Variants in SELPLG observed in about 807,000 individuals in gnomAD.
SELPLG encodes the protein P-selectin glycoprotein ligand 1.
In SELPLG, 2 loss-of-function variants were observed where a neutral mutation model predicts 1.1. That is an observed-to-expected ratio of 1.82 (90% confidence interval 0.74 to 5.71). The LOEUF (loss-of-function observed/expected upper bound fraction) is 5.71, where lower values mean the gene tolerates loss of function less well. Ranked by LOEUF, SELPLG falls within the 30% of genes most tolerant of loss-of-function variation. The pLI is 0.05. For synonymous variants in SELPLG, 230 were observed against 221.2 expected, an observed-to-expected ratio of 1.04 and a Z score of -0.35; for missense variants, 478 against 524.7, an observed-to-expected ratio of 0.91 and a Z score of 0.87.
chr12:108,624,534 G>A (rs1423147573), intron 1 of SELPLG, among the ~76,000 whole-genome samples: 1 of 152,112 alleles, frequency 6.6e-6, no homozygotes, highest in Non-Finnish European at 1.5e-5. Flanking sequence ...ATCCAGGAGG[G>A]CCCTTTAACT....
At position 108,623,325 on chromosome 12, in the gene SELPLG, G is replaced by T; in HGVS notation, c.983C>A (p.Ala328Glu). Residue 328 changes from alanine to glutamate, a missense_variant, in exon 2 of 2, where the codon GCG becomes GAG. Ala to Glu is a moderately radical substitution (Grantham distance 107). Transcript: ENST00000550948. ...CACGAAGAAGATAGTGGCCACCAGC[G>T]CCAAGATTAGGATGGCCAGCAGGCA... ...KQCLLAILIL[A>E]LVATIFFVCT... 6.2e-7 allele frequency: 1 copy of T among 1,614,248 alleles called. No individual in the cohort carries two copies.
chr12:108,629,027 G>C (rs1280924331), intron 1 of SELPLG, among the ~76,000 whole-genome samples: 1 of 152,208 alleles, frequency 6.6e-6, no homozygotes, highest in Non-Finnish European at 1.5e-5. Flanking sequence ...TTATCTGGAG[G>C]ACTCTCTTCG....
rs2032068539 is a variant in SELPLG at position 108,632,110 on chromosome 12, G to A, written c.-6+1630C>T. The A allele has an allele frequency of 4.9e-6, 3 of 611,562 alleles. No individual in the cohort carries two copies. The East Asian group carries it at 8.4e-5, about 17-fold the overall frequency. 37.9% of individuals were successfully genotyped at this position (611,562 alleles called of 1,614,324 possible). On this transcript the variant is annotated intron_variant, in intron 1 of 1. Transcript: ENST00000550948. ...CCAGCTCCTCTGAATGCCCCACTCT[G>A]GGCCCAGCCTAGCAACCCAGCCCTT...
chr12:108,628,340 C>CAT (rs2136766577), intron 1 of SELPLG, among the ~76,000 whole-genome samples: 1 of 151,728 alleles, frequency 6.6e-6, no homozygotes, highest in East Asian at 1.9e-4. Context: ...CACACACACA[C>CAT]ACACACACAC....
At chr12:108,630,635 C>T (rs2136769990) in intron 1 of SELPLG, among the ~76,000 whole-genome samples, 1 of 152,226 alleles carries the variant, frequency 6.6e-6, no homozygotes, top group African/African-American at 2.4e-5. Context: ...CCTGGGGCAA[C>T]TCACCTCACC....
At chr12:108,629,164 A>G (rs1183250034) in intron 1 of SELPLG, among the ~76,000 whole-genome samples, 2 of 152,158 alleles carry the variant, frequency 1.3e-5, no homozygotes, top group Non-Finnish European at 2.9e-5. Flanking sequence ...ACCTGTTATG[A>G]TAAGACCTGG....
chr12:108,625,331 C>T, intron 1 of SELPLG, among the ~76,000 whole-genome samples: 1 of 152,184 alleles, frequency 6.6e-6, no homozygotes, highest in East Asian at 1.9e-4. Flanking sequence ...GTCTTGGTCC[C>T]ATTTGCTTTG....
chr12:108,629,453 G>A (rs2032004485), intron 1 of SELPLG, among the ~76,000 whole-genome samples: 1 of 152,240 alleles, frequency 6.6e-6, no homozygotes, highest in Admixed American at 6.5e-5. Flanking sequence ...CCTCGAGCTT[G>A]TACTCCTAGC....
Position 108,622,192 on chromosome 12 carries a change from C to A in SELPLG, c.*877G>T, listed in dbSNP as rs1322910799. On this transcript the variant is annotated 3_prime_UTR_variant, in exon 2 of 2. Transcript: ENST00000550948. Reference sequence around the variant, plus strand: ...CTGAGGGCAGACAGCTGAGGACCAGCCCCCATCCTGCACTGAGGGATGGAG... The same window carrying A: ...CTGAGGGCAGACAGCTGAGGACCAGACCCCATCCTGCACTGAGGGATGGAG... The A allele has an allele frequency of 6.6e-6, 1 of 152,328 alleles. No individual in the cohort carries two copies. The highest frequency in any genetic ancestry group is 1.5e-5 in the Non-Finnish European group (1 of 68,142). The allele number at this position is 152,328 out of a possible 1,614,324, so 9.4% of individuals were successfully genotyped here. A position where few individuals can be genotyped will look rare whatever the true frequency, so the allele number is the denominator to read the frequency against.
At position 108,623,838 on chromosome 12, in the gene SELPLG, G is replaced by A. The variant is rs112473865; in HGVS notation, c.470C>T (p.Thr157Met). 2,207 of 1,585,782 alleles carry A rather than the reference G, an allele frequency of 1.4e-3. 16 individuals carry two copies. The African/African-American group carries it at 0.022, about 16-fold the overall frequency. Residue 157 changes from threonine (T) to methionine (M), a missense_variant, in exon 2 of 2, where the codon ACG becomes ATG. Transcript: ENST00000550948. The part of the protein sequence containing the change: ...AATEAQTTRL[T>M]ATEAQTTPLA... ...TGGAGTGGTCTGTGCCTCCGTGGCC[G>A]TCAGTCGAGTTGTCTGTGCCTCTGT...
rs2031833655 is a variant in SELPLG, at chr12:108,622,153, T to G, written c.*916A>C. The G allele has an allele frequency of 6.6e-6, 1 of 152,284 alleles. No individual in the cohort carries two copies. The highest frequency in any genetic ancestry group is 2.4e-5 in the African/African-American group (1 of 41,432). 9.4% of individuals were successfully genotyped at this position (152,284 alleles called of 1,614,324 possible). A position where few individuals can be genotyped will look rare whatever the true frequency, so the allele number is the denominator to read the frequency against. On this transcript the variant is annotated 3_prime_UTR_variant, in exon 2 of 2. Transcript: ENST00000550948. The stretch of plus-strand genomic sequence containing the variant: ...CTAACAGCCCATGAAAGAGGCTTCC[T>G]GGGGGGCCAGGGGCTGAGGGCAGAC...
chr12:108,631,245 G>A (rs989574253), intron 1 of SELPLG, among the ~76,000 whole-genome samples: 9 of 151,996 alleles, frequency 5.9e-5, no homozygotes, highest in Admixed American at 4.6e-4. Flanking sequence ...ACTTATCATC[G>A]CCCTTATGAA....
intron 1 of SELPLG, among the ~76,000 whole-genome samples, chr12:108,630,990 G>T (rs2032038702): frequency 6.6e-6 from 1 of 152,148 alleles, no homozygotes; most frequent in Non-Finnish European, 1.5e-5. Context: ...CTGCTCTGCT[G>T]CCCCCACCAG....
chr12:108,627,826 G>A (rs2031964653), intron 1 of SELPLG, among the ~76,000 whole-genome samples: 1 of 152,082 alleles, frequency 6.6e-6, no homozygotes, highest in Non-Finnish European at 1.5e-5. Flanking sequence ...GTAATCCGAG[G>A]ACTTTGGGAG....
Position 108,623,524 on chromosome 12 carries a change from G to C in SELPLG, c.784C>G (p.Leu262Val), listed in dbSNP as rs749561694. 3 of 1,614,168 alleles carry C rather than the reference G, an allele frequency of 1.9e-6. No homozygotes were observed. Among genetic ancestry groups the C allele is most frequent in the Non-Finnish European group, 2.5e-6 (3 of 1,180,066 alleles). The part of the protein sequence containing the change: ...QTTPLAAMEA[L>V]STEPSATEAL... Reference sequence around the variant, plus strand: ...TCTGTGGCACTGGGTTCTGTGGACAGGGCCTCCATGGCTGCCAGTGGAGTG... The same window carrying C: ...TCTGTGGCACTGGGTTCTGTGGACACGGCCTCCATGGCTGCCAGTGGAGTG... The change falls in exon 2 of 2, where the codon CTG becomes GTG. Residue 262 changes from leucine to valine, a missense_variant. By Grantham distance (32) the Leu-to-Val change is conservative. Coordinates refer to ENST00000550948, the MANE Select transcript of SELPLG (RefSeq NM_003006.4).
intron 1 of SELPLG, among the ~76,000 whole-genome samples, chr12:108,624,514 G>A (rs1303586638): frequency 6.6e-6 from 1 of 152,052 alleles, no homozygotes. Flanking sequence ...TCATCAACAT[G>A]AATAAAGCCA....
At chr12:108,631,440 G>T (rs1289540182) in intron 1 of SELPLG, among the ~76,000 whole-genome samples, 1 of 152,026 alleles carries the variant, frequency 6.6e-6, no homozygotes, top group Non-Finnish European at 1.5e-5. Context: ...GTAGAGATGG[G>T]TTTTCCCCAT....
At chr12:108,633,421 T>C (rs1592824690) in intron 1 of SELPLG, among the ~76,000 whole-genome samples, 2 of 152,150 alleles carry the variant, frequency 1.3e-5, no homozygotes, top group African/African-American at 4.8e-5. Context: ...GGATCACTTG[T>C]GCCCAGGAGT....
In SELPLG at chr12:108,623,814, G is replaced by C. The variant is rs1337453178; in HGVS notation, c.494C>G (p.Pro165Arg). 2.5e-6 allele frequency: 4 copies of C among 1,611,554 alleles called. No homozygotes were observed. In the African/African-American group the frequency reaches 5.4e-5, roughly 22 times the overall value. ...GGTCTGTGCCTCTGTGGCTGCCAGTGGAGTGGTCTGTGCCTCCGTGGCCGT... is the reference window on the plus strand; with the variant it reads ...GGTCTGTGCCTCTGTGGCTGCCAGTCGAGTGGTCTGTGCCTCCGTGGCCGT... ...RLTATEAQTT[P>R]LAATEAQTTP... The change falls in exon 2 of 2, where the codon CCA becomes CGA. Residue 165 changes from proline to arginine, a missense_variant. Pro to Arg is a moderately radical substitution (Grantham distance 103, BLOSUM62 -2). Transcript: ENST00000550948.
Sources: allele counts gnomAD v4.1 joint callset (sites outside exome capture counted in the v4.1 genomes callset), GRCh38; gene constraint gnomAD v4.1.1; transcripts MANE v1.5; gene names NCBI Gene and HGNC (gene_info 2026-07-23, HGNC 2026-07-21).